Variants in ZNF530 observed in about 807,000 individuals in gnomAD.
The protein encoded by ZNF530 is zinc finger protein 530.
ZNF530 carries 5 observed loss-of-function variants against 2.8 expected under a neutral mutation model. The ratio of observed to expected loss-of-function variants is 1.80; its 90% confidence interval spans 0.94 to 3.78. ZNF530 has a LOEUF of 3.78. Among genes scored for constraint, ZNF530 ranks in the 30% most tolerant of loss-of-function variants. ZNF530 has a pLI of 0.00. For missense variants in ZNF530, 619 were observed against 673.3 expected (o/e 0.92, Z 0.89); for synonymous variants, 229 against 235.0 (o/e 0.97, Z 0.23).
At chr19:57,602,446 C>T (rs937808847) in intron 2 of ZNF530, among the ~76,000 whole-genome samples, 7 of 152,108 alleles carry the variant, frequency 4.6e-5, no homozygotes, top group Admixed American at 4.6e-4. Context: ...ACATTAAGCC[C>T]ATAACATCAT....
rs1447887648 is a variant in ZNF530 at position 57,609,338 on chromosome 19, A to AG, written c.*2013_*2014insG. 1.3e-5 allele frequency among the ~76,000 whole-genome samples: 2 copies of AG among 151,996 alleles called. No homozygotes were observed. The highest frequency in any genetic ancestry group is 4.8e-5 in the African/African-American group (2 of 41,388). On this transcript the variant is annotated 3_prime_UTR_variant, in exon 4 of 4. Transcript: ENST00000597700. ...GGAGTGAGACTCTGTTTCCAAAAAA[A>AG]AAAAGGCTGGGCGTGGTGGCTCACG... is the stretch of plus-strand genomic sequence containing the variant.
At chr19:57,600,510 C>T (rs897815295) in intron 1 of ZNF530, among the ~76,000 whole-genome samples, 9 of 152,220 alleles carry the variant, frequency 5.9e-5, no homozygotes, top group Non-Finnish European at 1.2e-4. Context: ...AAAAGCTGTT[C>T]AGAGGAACGC....
rs767469036 is a variant in ZNF530, at chr19:57,604,267, C to T, written c.-69-10C>T. The T allele has an allele frequency of 1.9e-6, 3 of 1,613,868 alleles. No homozygotes were observed. The highest frequency in any genetic ancestry group is 1.7e-6 in the Non-Finnish European group (2 of 1,179,906). Reference sequence around the variant, plus strand: ...GATGCTGACCATGGAATGAACTGTCCCCATCATAGCAGGTTTTTGTAGCCT... The same window carrying T: ...GATGCTGACCATGGAATGAACTGTCTCCATCATAGCAGGTTTTTGTAGCCT... On this transcript the variant is annotated splice_polypyrimidine_tract_variant and intron_variant, in intron 2 of 3. Transcript: ENST00000597700.
downstream of ZNF530, among the ~76,000 whole-genome samples, chr19:57,611,007 C>T (rs1471512707): frequency 6.6e-6 from 1 of 152,092 alleles, no homozygotes; most frequent in African/African-American, 2.4e-5. Flanking sequence ...CTTACCCTAC[C>T]AGAGGTAGCT....
intron 2 of ZNF530, among the ~76,000 whole-genome samples, chr19:57,601,609 A>G (rs1205698224): frequency 2.6e-5 from 4 of 152,254 alleles, no homozygotes; most frequent in African/African-American, 9.6e-5. Flanking sequence ...GGAAGGGTGC[A>G]GGATAGAGAC....
chr19:57,611,549 C>T (rs188476733), downstream of ZNF530, among the ~76,000 whole-genome samples: 47 of 152,208 alleles, frequency 3.1e-4, no homozygotes, highest in Non-Finnish European at 6.3e-4. Flanking sequence ...AAGTCATGCA[C>T]CCCCAGAGGA....
rs912288582 is a variant in ZNF530, at chr19:57,609,477, TGTAAAAGTAAAAA to T, written c.*2165_*2177del. On this transcript the variant is annotated 3_prime_UTR_variant, in exon 4 of 4. Transcript: ENST00000597700. Reference sequence around the variant, plus strand: ...CTGTCTCTACTAAAAGTACAAAAATTGTAAAAGTAAAAAGTAAAAGTAAAAGCTGGGTGTGGTG... The same window carrying T: ...CTGTCTCTACTAAAAGTACAAAAATTGTAAAAGTAAAAGCTGGGTGTGGTG... Among the ~76,000 whole-genome samples, 6 of 152,060 alleles carry T rather than the reference TGTAAAAGTAAAAA, an allele frequency of 3.9e-5. No individual in the cohort carries two copies. The highest frequency in any genetic ancestry group is 7.2e-5 in the African/African-American group (3 of 41,460).
rs1345413384 is a variant in ZNF530 at position 57,609,329 on chromosome 19, T to C, written c.*2004T>C. On this transcript the variant is annotated 3_prime_UTR_variant, in exon 4 of 4. Coordinates refer to ENST00000597700, the MANE Select transcript of ZNF530 (RefSeq NM_001321981.2). Reference sequence around the variant, plus strand: ...CCGGGTGATGGAGTGAGACTCTGTTTCCAAAAAAAAAAAGGCTGGGCGTGG... The same window carrying C: ...CCGGGTGATGGAGTGAGACTCTGTTCCCAAAAAAAAAAAGGCTGGGCGTGG... Among the ~76,000 whole-genome samples, 1 of 149,818 alleles carries C rather than the reference T, an allele frequency of 6.7e-6. No individual in the cohort carries two copies. The highest frequency in any genetic ancestry group is 2.5e-5 in the African/African-American group (1 of 40,666).
intron 3 of ZNF530, 154 bp downstream of exon 3, chr19:57,604,560 G>C: frequency 9.9e-7 from 1 of 1,013,108 alleles, no homozygotes; most frequent in African/African-American, 1.6e-5. Context: ...GCCAAGCAAG[G>C]CACTCTCAGA....
chr19:57,610,426 G>A (rs905221998), downstream of ZNF530, among the ~76,000 whole-genome samples: 25 of 151,718 alleles, frequency 1.6e-4, no homozygotes, highest in African/African-American at 5.3e-4. Context: ...GTGTGTGTGT[G>A]TGTGTGTGTG....
downstream of ZNF530, among the ~76,000 whole-genome samples, chr19:57,610,279 G>C (rs1408021803): frequency 1.3e-5 from 2 of 152,008 alleles, no homozygotes; most frequent in East Asian, 1.9e-4. Flanking sequence ...TTTTATTTTA[G>C]ACATCATAAA....
chr19:57,611,890 C>G (rs966210394), downstream of ZNF530, among the ~76,000 whole-genome samples: 2 of 152,150 alleles, frequency 1.3e-5, no homozygotes, highest in Admixed American at 1.3e-4. Flanking sequence ...TCTACCTACT[C>G]TAACACCAGG....
chr19:57,605,565 AT>A, intron 3 of ZNF530, 120 bp from the exon 4 acceptor site: 1 of 1,043,820 alleles, frequency 9.6e-7, no homozygotes, highest in African/African-American at 1.6e-5. Flanking sequence ...TTTTCCACAA[AT>A]TTCCACCAGC....
chr19:57,605,470 C>A (rs536636600), intron 3 of ZNF530: 278 of 509,378 alleles, frequency 5.5e-4, no homozygotes, highest in Non-Finnish European at 3.0e-4. Context: ...GAGTCAGAGA[C>A]CCTACCTGTT....
At position 57,609,981 on chromosome 19, in the gene ZNF530, A is replaced by G. The variant is rs571059526; in HGVS notation, c.*2656A>G. On this transcript the variant is annotated 3_prime_UTR_variant, in exon 4 of 4. Transcript: ENST00000597700. Reference sequence around the variant, plus strand: ...CCTGGGGAGCTAGATGGTAGAGTCAATAGAGACTTAGTAAACCAGACTTTT... The same window carrying G: ...CCTGGGGAGCTAGATGGTAGAGTCAGTAGAGACTTAGTAAACCAGACTTTT... 6.6e-6 allele frequency among the ~76,000 whole-genome samples: 1 copy of G among 152,314 alleles called. No homozygotes were observed. The highest frequency in any genetic ancestry group is 2.1e-4 in the South Asian group (1 of 4,822).
At position 57,602,293 on chromosome 19, in the gene ZNF530, C is replaced by T. The variant is rs143206565; in HGVS notation, c.-70+1514C>T. 1.1e-3 allele frequency among the ~76,000 whole-genome samples: 163 copies of T among 152,238 alleles called. No homozygotes were observed. The Middle Eastern group carries it at 0.017, about 16-fold the overall frequency. On this transcript the variant is annotated intron_variant, in intron 2 of 3. Transcript: ENST00000597700. The stretch of plus-strand genomic sequence containing the variant: ...TCTATTCTTACAAAAGCATTAATTC[C>T]ATCATGAGGGCCCCACTCTTTTGAC...
chr19:57,600,005 T>A lies in ZNF530; in HGVS notation c.-251T>A. On this transcript the variant is annotated 5_prime_UTR_variant, in exon 1 of 4. Transcript: ENST00000597700. ...GCGCGAGGAGAGTCGTTTTCTCAGCTGCACAGCCGGGGCCTGACGGTCGCC... is the reference window on the plus strand; with the variant it reads ...GCGCGAGGAGAGTCGTTTTCTCAGCAGCACAGCCGGGGCCTGACGGTCGCC... 1 of 1,334,106 alleles carries A rather than the reference T, an allele frequency of 7.5e-7. No homozygotes were observed. The highest frequency in any genetic ancestry group is 1.5e-5 in the African/African-American group (1 of 67,974). The allele number at this position is 1,334,106 out of a possible 1,614,324, so 82.6% of individuals were successfully genotyped here. A position where few individuals can be genotyped will look rare whatever the true frequency, so the allele number is the denominator to read the frequency against.
At chr19:57,612,566 A>G, downstream of ZNF530, 2 of 399,214 alleles carry the variant, frequency 5.0e-6, no homozygotes, top group East Asian at 7.1e-5. Context: ...CTGTAATCCC[A>G]ACTTTTTGGG....
In ZNF530 at chr19:57,609,306, G is replaced by A. The variant is rs555601824; in HGVS notation, c.*1981G>A. On this transcript the variant is annotated 3_prime_UTR_variant, in exon 4 of 4. Coordinates refer to ENST00000597700, the MANE Select transcript of ZNF530 (RefSeq NM_001321981.2). ...AGACCACACCACTGCACTCCAGCCC[G>A]GGTGATGGAGTGAGACTCTGTTTCC... Among the ~76,000 whole-genome samples, 21 of 152,070 alleles carry A rather than the reference G, an allele frequency of 1.4e-4. No individual in the cohort carries two copies. In the South Asian group the frequency reaches 3.7e-3, roughly 27 times the overall value.
Sources: allele counts gnomAD v4.1 joint callset (sites outside exome capture counted in the v4.1 genomes callset), GRCh38; gene constraint gnomAD v4.1.1; transcripts MANE v1.5; gene names NCBI Gene and HGNC (gene_info 2026-07-23, HGNC 2026-07-21).